The following KATNAL2 variants were observed in gnomAD, a reference collection of about 807,000 sequenced individuals.
The protein encoded by KATNAL2 is katanin p60 ATPase-containing subunit A-like 2.
Under a neutral mutation model 76.3 loss-of-function variants are expected in KATNAL2, and 52 were observed. That is an observed-to-expected ratio of 0.68 (90% CI 0.55 to 0.86). The LOEUF is 0.86. Ranked by LOEUF, KATNAL2 falls within the 40% of genes least tolerant of loss-of-function variation. The probability of loss-of-function intolerance (pLI) is 0.00; values close to 1 mark genes in which losing one functional copy is unlikely to be tolerated. For synonymous variants in KATNAL2, 243 were observed against 244.2 expected (o/e 1.00, Z 0.05); for missense variants, 660 against 668.9 (o/e 0.99, Z 0.15).
chr18:46,954,425 T>C (rs1466701361), intron 3 of KATNAL2, among the ~76,000 whole-genome samples: 1 of 143,976 alleles, frequency 6.9e-6, no homozygotes, highest in Admixed American at 7.0e-5. Context: ...CTGCCTCCCA[T>C]GTTCAAGCGA....
intron 3 of KATNAL2, among the ~76,000 whole-genome samples, chr18:47,041,354 A>G (rs1003288900): frequency 1.3e-5 from 2 of 152,108 alleles, no homozygotes; most frequent in Non-Finnish European, 2.9e-5. Context: ...TACTCTACCT[A>G]TTCATCCCTT....
intron 1 of KATNAL2, among the ~76,000 whole-genome samples, chr18:46,937,352 C>T: frequency 6.6e-6 from 1 of 151,996 alleles, no homozygotes; most frequent in East Asian, 1.9e-4. Context: ...ACTAAGGAGA[C>T]ATAATAGCTA....
intron 3 of KATNAL2, chr18:47,034,557 G>A: frequency 6.2e-7 from 1 of 1,614,204 alleles, no homozygotes; most frequent in Non-Finnish European, 8.5e-7. Flanking sequence ...GGGCACACAA[G>A]GGGCGTTTTT....
intron 15 of KATNAL2, among the ~76,000 whole-genome samples, chr18:47,091,647 G>A (rs2063004656): frequency 6.6e-6 from 1 of 152,144 alleles, no homozygotes; most frequent in Non-Finnish European, 1.5e-5. Context: ...GTGCCCACAA[G>A]CAGTTTTGAG....
intron 14 of KATNAL2, among the ~76,000 whole-genome samples, chr18:47,075,658 C>T (rs1041630464): frequency 6.6e-6 from 1 of 152,190 alleles, no homozygotes; most frequent in African/African-American, 2.4e-5. Flanking sequence ...TCCCAGGCTG[C>T]CATATCGGTT....
At chr18:46,955,140 C>CCCTTTCTTTCTTTCTTTCTT (rs2059691231) in intron 3 of KATNAL2, among the ~76,000 whole-genome samples, 1 of 85,020 alleles carries the variant, frequency 1.2e-5, no homozygotes, top group Non-Finnish European at 2.3e-5. Context: ...CTTTCTCTCT[C>CCCTTTCTTTCTTTCTTTCTT]TCTTTCTTTC....
At chr18:47,044,872 C>A (rs187935197) in intron 3 of KATNAL2, among the ~76,000 whole-genome samples, 3 of 152,146 alleles carry the variant, frequency 2.0e-5, no homozygotes, top group Admixed American at 1.3e-4. Flanking sequence ...TTGCTTGAGG[C>A]CAGGAATTTG....
At chr18:46,930,367 C>T (rs997592302) in intron 1 of KATNAL2, among the ~76,000 whole-genome samples, 10 of 152,098 alleles carry the variant, frequency 6.6e-5, no homozygotes, top group Non-Finnish European at 1.2e-4. Flanking sequence ...TTTGTCACTA[C>T]TATTAAAATT....
chr18:47,072,925 G>A lies in KATNAL2; in HGVS notation c.1009-2352G>A, dbSNP rs2147220370. 3.3e-5 allele frequency among the ~76,000 whole-genome samples: 5 copies of A among 152,232 alleles called. 1 individual carries two copies. In the Middle Eastern group the frequency reaches 0.014, roughly 414 times the overall value. On this transcript the variant is annotated intron_variant, in intron 13 of 17. Transcript: ENST00000683218. ...GCCAAAACGTATTTAACCAGTCTTT[G>A]CTTGATGGGCCTTTAGATTGTTTCT...
At chr18:47,052,800 C>A in intron 4 of KATNAL2, 80 bp from the exon 5 acceptor site, 1 of 1,102,356 alleles carries the variant, frequency 9.1e-7, no homozygotes, top group Non-Finnish European at 1.3e-6. Flanking sequence ...GTATTGCATC[C>A]CTTTAGACTT....
At chr18:47,033,074 C>G in intron 3 of KATNAL2, 1 of 1,614,132 alleles carries the variant, frequency 6.2e-7, no homozygotes, top group Non-Finnish European at 8.5e-7. Flanking sequence ...TTCTTGGCAG[C>G]CTGTTTCCGG....
At chr18:46,957,734 G>C (rs2059807466) in intron 3 of KATNAL2, among the ~76,000 whole-genome samples, 1 of 150,826 alleles carries the variant, frequency 6.6e-6, no homozygotes, top group Non-Finnish European at 1.5e-5. Context: ...GGCTAATTTT[G>C]TATTTTTAGT....
At chr18:47,089,499 A>T (rs1382535960) in intron 15 of KATNAL2, among the ~76,000 whole-genome samples, 4 of 152,202 alleles carry the variant, frequency 2.6e-5, no homozygotes, top group Non-Finnish European at 5.9e-5. Context: ...CCCAAACATC[A>T]GTAGGACATA....
intron 3 of KATNAL2, among the ~76,000 whole-genome samples, chr18:46,950,226 C>T (rs569914120): frequency 2.0e-5 from 3 of 152,236 alleles, no homozygotes; most frequent in African/African-American, 7.2e-5. Context: ...GGAACTCAAG[C>T]CTTATTTTTT....
chr18:47,059,200 A>G (rs961283703), intron 7 of KATNAL2, among the ~76,000 whole-genome samples: 1 of 152,200 alleles, frequency 6.6e-6, no homozygotes, highest in African/African-American at 2.4e-5. Flanking sequence ...TGACTCTGCC[A>G]TATCTCCAAA....
At chr18:47,095,278 G>A (rs1568026216) in intron 15 of KATNAL2, among the ~76,000 whole-genome samples, 2 of 152,196 alleles carry the variant, frequency 1.3e-5, no homozygotes, top group African/African-American at 2.4e-5. Flanking sequence ...CAACAATGAA[G>A]TGTAATATGG....
At chr18:47,042,937 G>A (rs2061010942) in intron 3 of KATNAL2, among the ~76,000 whole-genome samples, 1 of 152,180 alleles carries the variant, frequency 6.6e-6, no homozygotes, top group Non-Finnish European at 1.5e-5. Flanking sequence ...GGTTAAAAAT[G>A]AGATCGTAGG....
At chr18:46,925,551 G>A (rs1406341062) in intron 1 of KATNAL2, among the ~76,000 whole-genome samples, 1 of 151,856 alleles carries the variant, frequency 6.6e-6, no homozygotes, top group African/African-American at 2.4e-5. Flanking sequence ...CTCTTTTTTT[G>A]GTTGTGTCTC....
intron 10 of KATNAL2, among the ~76,000 whole-genome samples, chr18:47,064,031 G>C (rs1460322544): frequency 6.6e-6 from 1 of 152,102 alleles, no homozygotes; most frequent in Non-Finnish European, 1.5e-5. Context: ...GCTCAGAGGG[G>C]GGTTTAAAAT....
Sources: gnomAD v4.1 joint callset for allele counts (sites outside exome capture counted in the v4.1 genomes callset) on GRCh38, gnomAD v4.1.1 for gene constraint, MANE v1.5 for transcripts, NCBI Gene and HGNC (gene_info 2026-07-23, HGNC 2026-07-21) for gene names.